TRAPPC11: variants seen among roughly 807,000 people sequenced by gnomAD.
The protein encoded by TRAPPC11 is trafficking protein particle complex subunit 11.
In TRAPPC11, 104 loss-of-function variants were observed where a neutral mutation model predicts 151.2. The ratio of observed to expected loss-of-function variants is 0.69; its 90% CI spans 0.59 to 0.81. TRAPPC11 has a LOEUF of 0.81. Ranked by LOEUF, TRAPPC11 falls within the 30% of genes least tolerant of loss-of-function variation. The pLI is 0.00. For missense variants in TRAPPC11, 1,230 were observed against 1,349.6 expected (o/e 0.91, Z 1.39); for synonymous variants, 456 against 472.3 (o/e 0.97, Z 0.45).
At chr4:183,662,005 C>CG in intron 1 of TRAPPC11, among the ~76,000 whole-genome samples, 1 of 151,960 alleles carries the variant, frequency 6.6e-6, no homozygotes, top group African/African-American at 2.4e-5. Context: ...CCTCAACAAT[C>CG]CTCTGGCCTT....
intron 26 of TRAPPC11, among the ~76,000 whole-genome samples, chr4:183,702,641 A>G (rs976044932): frequency 6.6e-6 from 1 of 152,190 alleles, no homozygotes; most frequent in Non-Finnish European, 1.5e-5. Context: ...ATACATAGGA[A>G]TGATAAATAC....
intron 29 of TRAPPC11, among the ~76,000 whole-genome samples, chr4:183,709,093 G>C (rs1249149794): frequency 6.6e-6 from 1 of 152,026 alleles, no homozygotes; most frequent in Non-Finnish European, 1.5e-5. Context: ...GGTTAATTTA[G>C]CTCAGCAGCC....
At chr4:183,684,667 G>A (rs1363368748) in intron 14 of TRAPPC11, 29 bp from the exon 15 acceptor site, 1 of 1,610,022 alleles carries the variant, frequency 6.2e-7, no homozygotes, top group East Asian at 2.2e-5. Flanking sequence ...TGTGAAGCCG[G>A]TTCAGTATTA....
chr4:183,677,375 T>TA (rs2111339708), intron 7 of TRAPPC11, 83 bp from the exon 8 acceptor site: 2 of 823,780 alleles, frequency 2.4e-6, no homozygotes, highest in Middle Eastern at 2.3e-4. Context: ...GTTGAGTAAA[T>TA]ATTCTTTGTT....
chr4:183,681,691 A>T (rs544576418), intron 10 of TRAPPC11, among the ~76,000 whole-genome samples: 2 of 152,050 alleles, frequency 1.3e-5, no homozygotes, highest in African/African-American at 4.8e-5. Flanking sequence ...GAGGCAGGAG[A>T]ATGGCGTGAA....
At position 183,708,557 on chromosome 4, in the gene TRAPPC11, A is replaced by G. The variant is rs866236252; in HGVS notation, c.3340A>G (p.Thr1114Ala). The G allele has an allele frequency of 4.3e-6, 7 of 1,613,718 alleles. No homozygotes were observed. The Middle Eastern group carries it at 1.2e-3, about 266-fold the overall frequency. ...TNQLLRRFIP[T>A]SIFVKPQGRL... ...TCAGCTGCTCAGGCGTTTTATACCTACCAGTATTTTTGTCAAGGTAAAGCT... is the reference window on the plus strand; with the variant it reads ...TCAGCTGCTCAGGCGTTTTATACCTGCCAGTATTTTTGTCAAGGTAAAGCT... The change falls in exon 29 of 30, where the codon ACC (threonine) becomes GCC (alanine). Residue 1114 changes from threonine (T) to alanine (A), a missense_variant. Physicochemically the swap from Thr to Ala is moderately conservative, Grantham distance 58 (BLOSUM62 0). Transcript: ENST00000334690.
chr4:183,666,553 T>TTCA, intron 3 of TRAPPC11, 127 bp downstream of exon 3: 1 of 829,944 alleles, frequency 1.2e-6, no homozygotes, highest in Non-Finnish European at 1.8e-6. Context: ...CTCCAGTGAA[T>TTCA]CTTGTTCACT....
intron 1 of TRAPPC11, among the ~76,000 whole-genome samples, chr4:183,662,223 G>A (rs1734587880): frequency 6.6e-6 from 1 of 151,962 alleles, no homozygotes; most frequent in African/African-American, 2.4e-5. Context: ...GGGTGTGGTG[G>A]TGCATGCCTG....
intron 19 of TRAPPC11, among the ~76,000 whole-genome samples, chr4:183,692,656 C>A (rs144705155): frequency 3.4e-4 from 51 of 152,234 alleles, no homozygotes; most frequent in African/African-American, 1.2e-3. Context: ...ACTAATTGAA[C>A]CTTCATTACA....
chr4:183,708,626 A>G (rs1737199422), intron 29 of TRAPPC11, 52 bp downstream of exon 29: 3 of 1,549,958 alleles, frequency 1.9e-6, no homozygotes, highest in Non-Finnish European at 2.6e-6. Context: ...AAAAACAAAC[A>G]GACTTCTTTT....
At chr4:183,685,519 G>A in intron 17 of TRAPPC11, 116 bp downstream of exon 17, 1 of 1,225,980 alleles carries the variant, frequency 8.2e-7, no homozygotes, top group Non-Finnish European at 1.1e-6. Context: ...GTATAATCAT[G>A]TTATAGATAA....
At chr4:183,688,853 C>G (rs1038183010) in intron 18 of TRAPPC11, among the ~76,000 whole-genome samples, 7 of 152,118 alleles carry the variant, frequency 4.6e-5, no homozygotes, top group Non-Finnish European at 8.8e-5. Context: ...TCAAGTGATC[C>G]TCCCACCTCA....
rs1735464145 is a variant in TRAPPC11 at position 183,677,355 on chromosome 4, GCA to G, written c.735-101_735-100del. 9 of 743,960 alleles carry G rather than the reference GCA, an allele frequency of 1.2e-5. No homozygotes were observed. The East Asian group carries it at 2.2e-4, about 18-fold the overall frequency. The allele number at this position is 743,960 out of a possible 1,614,324, so 46.1% of individuals were successfully genotyped here. ...GAGATTGACATTATTGAGCTGTTGAGCACTAAAATGTTGAGTAAATATTCTTT... is the reference window on the plus strand; with the variant it reads ...GAGATTGACATTATTGAGCTGTTGAGCTAAAATGTTGAGTAAATATTCTTT... On this transcript the variant is annotated intron_variant, in intron 7 of 29. Coordinates refer to ENST00000334690, the MANE Select transcript of TRAPPC11 (RefSeq NM_021942.6).
chr4:183,667,741 A>T (rs981100924), intron 4 of TRAPPC11, among the ~76,000 whole-genome samples: 1 of 152,186 alleles, frequency 6.6e-6, no homozygotes, highest in Non-Finnish European at 1.5e-5. Flanking sequence ...TGAAATAGTT[A>T]TGTGGTATAT....
At chr4:183,705,098 A>G (rs1305822864) in intron 27 of TRAPPC11, 28 bp downstream of exon 27, 1 of 1,407,200 alleles carries the variant, frequency 7.1e-7, no homozygotes. Flanking sequence ...TTACTTGATA[A>G]GAAGGACCCA....
chr4:183,661,698 CA>C (rs1734555234), intron 1 of TRAPPC11, among the ~76,000 whole-genome samples: 1 of 150,554 alleles, frequency 6.6e-6, no homozygotes, highest in South Asian at 2.1e-4. Context: ...AGCCTCATGA[CA>C]CATTCTTTTT....
intron 26 of TRAPPC11, among the ~76,000 whole-genome samples, chr4:183,704,474 T>C (rs529664383): frequency 4.2e-4 from 61 of 145,940 alleles, no homozygotes; most frequent in Non-Finnish European, 7.7e-4. Flanking sequence ...TGAGCCAAGG[T>C]TGCACCATTG....
intron 10 of TRAPPC11, among the ~76,000 whole-genome samples, chr4:183,682,343 TAAA>T (rs1301412863): frequency 6.6e-6 from 1 of 152,242 alleles, no homozygotes; most frequent in Non-Finnish European, 1.5e-5. Flanking sequence ...ACAGAAGTGA[TAAA>T]GAAGGAAAAT....
chr4:183,678,163 T>C (rs574521764), intron 8 of TRAPPC11, among the ~76,000 whole-genome samples: 1 of 152,254 alleles, frequency 6.6e-6, no homozygotes, highest in Admixed American at 6.5e-5. Flanking sequence ...GGTTTCGATC[T>C]CTTGACCTCG....
Sources: allele counts gnomAD v4.1 joint callset (sites outside exome capture counted in the v4.1 genomes callset), GRCh38; gene constraint gnomAD v4.1.1; transcripts MANE v1.5; gene names NCBI Gene and HGNC (gene_info 2026-07-23, HGNC 2026-07-21).